NRXN1: variants seen among roughly 807,000 people sequenced by gnomAD.
NRXN1 encodes the protein neurexin 1, also known as neurexin-1.
NRXN1 carries 39 observed loss-of-function variants against 150.9 expected under a neutral mutation model. The observed-to-expected ratio is 0.26, with a 90% confidence interval of 0.20 to 0.34. The LOEUF (loss-of-function observed/expected upper bound fraction) is 0.34, where lower values mean the gene tolerates loss of function less well. Among genes scored for constraint, NRXN1 ranks in the 10% least tolerant of loss-of-function variants. The pLI is 1.00. For synonymous variants in NRXN1, 924 were observed against 757.0 expected, an observed-to-expected ratio of 1.22 and a Z score of -3.62; for missense variants, 1,815 against 1,949.9, an observed-to-expected ratio of 0.93 and a Z score of 1.30.
intron 18 of NRXN1, among the ~76,000 whole-genome samples, chr2:50,187,299 G>A (rs755550407): frequency 8.6e-5 from 13 of 151,826 alleles, no homozygotes; most frequent in Non-Finnish European, 1.3e-4. Context: ...CCAAAATCTT[G>A]GCACACCAAG....
chr2:50,123,015 A>G (rs548884700), intron 18 of NRXN1, among the ~76,000 whole-genome samples: 1 of 152,312 alleles, frequency 6.6e-6, no homozygotes, highest in South Asian at 2.1e-4. Context: ...AGTATCTATA[A>G]TACTCAATTT....
At chr2:51,012,236 A>C (rs1256035062) in intron 2 of NRXN1, among the ~76,000 whole-genome samples, 2 of 152,022 alleles carry the variant, frequency 1.3e-5, no homozygotes, top group Non-Finnish European at 1.5e-5. Context: ...TTTTAAAAAA[A>C]CTTAGCCTCT....
At chr2:50,125,314 T>C (rs924272875) in intron 18 of NRXN1, among the ~76,000 whole-genome samples, 4 of 152,074 alleles carry the variant, frequency 2.6e-5, no homozygotes, top group African/African-American at 9.7e-5. Context: ...ACAATCTATA[T>C]AATCTTTGTC....
chr2:50,062,812 G>A (rs777330938), intron 19 of NRXN1, among the ~76,000 whole-genome samples: 14 of 152,096 alleles, frequency 9.2e-5, no homozygotes. Flanking sequence ...AAATAAAAGT[G>A]TCAGCATTTG....
chr2:50,555,414 G>A (rs1433333319), intron 8 of NRXN1, among the ~76,000 whole-genome samples: 4 of 152,194 alleles, frequency 2.6e-5, no homozygotes, highest in East Asian at 3.9e-4. Flanking sequence ...ACTGAATCAG[G>A]TGACTTGGTG....
chr2:50,656,295 T>C, intron 5 of NRXN1: 1 of 728,530 alleles, frequency 1.4e-6, no homozygotes, highest in Non-Finnish European at 2.6e-6. Context: ...AATAGGCTTT[T>C]AAAGTTACGT....
At chr2:49,927,989 G>A (rs1669411478) in intron 22 of NRXN1, among the ~76,000 whole-genome samples, 1 of 151,980 alleles carries the variant, frequency 6.6e-6, no homozygotes, top group African/African-American at 2.4e-5. Flanking sequence ...CGTCAACTAT[G>A]AACCTGGCAC....
chr2:50,998,755 A>T (rs1223513172), intron 2 of NRXN1, among the ~76,000 whole-genome samples: 4 of 152,056 alleles, frequency 2.6e-5, no homozygotes, highest in African/African-American at 7.2e-5. Context: ...ATTTCAAAGT[A>T]TTTTATAAAT....
intron 18 of NRXN1, among the ~76,000 whole-genome samples, chr2:50,166,324 TTTGTG>T (rs2059687259): frequency 8.0e-6 from 1 of 124,742 alleles, no homozygotes; most frequent in Non-Finnish European, 1.7e-5. Context: ...TGTGTGTGTG[TTTGTG>T]TGTGTGTGTG....
At chr2:50,386,590 C>A (rs2081343389) in intron 17 of NRXN1, among the ~76,000 whole-genome samples, 1 of 152,018 alleles carries the variant, frequency 6.6e-6, no homozygotes, top group Admixed American at 6.6e-5. Context: ...CAAATTGAGA[C>A]CTTCAAGCAA....
In NRXN1 at chr2:50,620,047, T is replaced by C. The variant is rs766673877; in HGVS notation, c.1295A>G (p.Asn432Ser). 3 of 1,609,018 alleles carry C rather than the reference T, an allele frequency of 1.9e-6. No individual in the cohort carries two copies. The highest frequency in any genetic ancestry group is 2.5e-6 in the Non-Finnish European group (3 of 1,177,350). ...TADLPGSPVS[N>S]NFMGCLKEVV... is the part of the protein sequence containing the mutation. ...CTCTTTGAGACAGCCCATAAAGTTG[T>C]TACTGACTGGTGACCCTGGAAGGTC... Residue 432 changes from asparagine (N) to serine (S), a missense_variant, in exon 8 of 23, where the codon AAC becomes AGC. By Grantham distance (46) the Asn-to-Ser change is conservative. Transcript: ENST00000401669.
intron 8 of NRXN1, among the ~76,000 whole-genome samples, chr2:50,553,577 A>G (rs1413114815): frequency 6.6e-6 from 1 of 152,202 alleles, no homozygotes; most frequent in Non-Finnish European, 1.5e-5. Context: ...ACAGCCTGAC[A>G]TTTCTCAGAA....
rs538535121 is a variant in NRXN1, at chr2:50,801,707, AATATTT to A, written c.832+120156_832+120161del. Among the ~76,000 whole-genome samples, 60 of 152,298 alleles carry A rather than the reference AATATTT, an allele frequency of 3.9e-4. No individual in the cohort carries two copies. In the East Asian group the frequency reaches 9.6e-3, roughly 24 times the overall value. On this transcript the variant is annotated intron_variant, in intron 5 of 22. Transcript: ENST00000401669. ...TTTTGTGAGAATCTAGTTTTTGTAT[AATATTT>A]ATATTTGTATTTTCATTATTTCAAG...
intron 21 of NRXN1, among the ~76,000 whole-genome samples, chr2:50,049,429 C>T (rs1392899675): frequency 6.6e-6 from 1 of 152,026 alleles, no homozygotes; most frequent in African/African-American, 2.4e-5. Context: ...ATGATGTGAC[C>T]CAAGTTGTCC....
chr2:50,360,900 C>T (rs1468638239), intron 17 of NRXN1, among the ~76,000 whole-genome samples: 3 of 152,078 alleles, frequency 2.0e-5, no homozygotes, highest in South Asian at 2.1e-4. Context: ...GAACAGAAAT[C>T]ATAACAAACA....
At chr2:50,777,099 A>G (rs542219422) in intron 5 of NRXN1, among the ~76,000 whole-genome samples, 11 of 152,192 alleles carry the variant, frequency 7.2e-5, no homozygotes, top group Non-Finnish European at 1.2e-4. Context: ...AACAATTTCA[A>G]ATCATGAAAA....
At chr2:50,622,275 A>G (rs1680161072) in intron 6 of NRXN1, among the ~76,000 whole-genome samples, 1 of 152,128 alleles carries the variant, frequency 6.6e-6, no homozygotes. Flanking sequence ...TTCTTTCTCT[A>G]GCTCAGATAG....
intron 18 of NRXN1, among the ~76,000 whole-genome samples, chr2:50,224,693 A>G (rs868245043): frequency 3.1e-5 from 4 of 130,448 alleles, no homozygotes; most frequent in South Asian, 2.6e-4. Flanking sequence ...GAGAGGGAGA[A>G]AGAGAGAGAG....
chr2:50,923,996 G>A (rs779146362), intron 3 of NRXN1, among the ~76,000 whole-genome samples: 2 of 151,730 alleles, frequency 1.3e-5, no homozygotes, highest in Non-Finnish European at 2.9e-5. Context: ...AGTTCACACA[G>A]GCAGATTCAA....
Sources: allele counts gnomAD v4.1 joint callset (sites outside exome capture counted in the v4.1 genomes callset), GRCh38; gene constraint gnomAD v4.1.1; transcripts MANE v1.5; gene names NCBI Gene and HGNC (gene_info 2026-07-23, HGNC 2026-07-21).